The following CTNNA2 variants were observed in gnomAD, a reference collection of about 807,000 sequenced individuals.
CTNNA2 encodes catenin alpha-2.
Under a neutral mutation model 101.0 loss-of-function variants are expected in CTNNA2, and 42 were observed. The ratio of observed to expected loss-of-function variants is 0.42; its 90% CI spans 0.32 to 0.54. The LOEUF (loss-of-function observed/expected upper bound fraction) is 0.54, where lower values mean the gene tolerates loss of function less well. Among genes scored for constraint, CTNNA2 ranks in the 20% least tolerant of loss-of-function variants. CTNNA2 has a pLI of 0.14. For synonymous variants in CTNNA2, 450 were observed against 456.4 expected, an observed-to-expected ratio of 0.99 and a Z score of 0.18; for missense variants, 871 against 1,223.1, an observed-to-expected ratio of 0.71 and a Z score of 4.29.
chr2:79,912,157 A>C (rs1320776428), intron 7 of CTNNA2, among the ~76,000 whole-genome samples: 2 of 152,248 alleles, frequency 1.3e-5, no homozygotes, highest in Non-Finnish European at 2.9e-5. Flanking sequence ...TAAACTGAAA[A>C]TATTTAAAAA....
intron 11 of CTNNA2, among the ~76,000 whole-genome samples, chr2:80,547,776 G>A (rs528076006): frequency 1.5e-5 from 2 of 137,604 alleles, no homozygotes; most frequent in Admixed American, 8.0e-5. Flanking sequence ...AGCAACTTCC[G>A]CCTCCCGGAT....
At chr2:79,340,887 C>A in intron 3 of CTNNA2, among the ~76,000 whole-genome samples, 1 of 120,670 alleles carries the variant, frequency 8.3e-6, no homozygotes. Context: ...AGTACAGAAT[C>A]TAGGGATCTA....
intron 9 of CTNNA2, among the ~76,000 whole-genome samples, chr2:80,435,164 A>G (rs1681920897): frequency 6.6e-6 from 1 of 152,188 alleles, no homozygotes; most frequent in South Asian, 2.1e-4. Flanking sequence ...GGGGGACAAA[A>G]TCATCCCTGG....
At chr2:79,673,705 A>AGT (rs925172632) in intron 2 of CTNNA2, among the ~76,000 whole-genome samples, 1 of 151,894 alleles carries the variant, frequency 6.6e-6, no homozygotes, top group South Asian at 2.1e-4. Flanking sequence ...AGAGAAAGAG[A>AGT]GTGTGTGTGT....
intron 3 of CTNNA2, among the ~76,000 whole-genome samples, chr2:79,830,834 T>A (rs1193934529): frequency 6.6e-6 from 1 of 152,224 alleles, no homozygotes; most frequent in Non-Finnish European, 1.5e-5. Context: ...CTGACACTTC[T>A]CAGAGATTTA....
Position 79,971,071 on chromosome 2 carries a change from C to T in CTNNA2, c.1056+61274C>T, listed in dbSNP as rs142900746. Among the ~76,000 whole-genome samples the T allele has an allele frequency of 4.0e-3, 615 of 152,206 alleles. 3 individuals are homozygous for T. The highest frequency in any genetic ancestry group is 0.014 in the African/African-American group (586 of 41,548). ...ATTCAGGTTCTTCTGTTTTGAAAGA[C>T]GTATAATGCTGGGGAGGCGAGACAG... On this transcript the variant is annotated intron_variant, in intron 7 of 18. Transcript: ENST00000402739.
At chr2:80,536,722 C>T (rs973497443) in intron 9 of CTNNA2, among the ~76,000 whole-genome samples, 3 of 152,186 alleles carry the variant, frequency 2.0e-5, no homozygotes, top group African/African-American at 7.2e-5. Context: ...TGAAGCTCAG[C>T]CTTCCAGGCA....
chr2:79,655,560 G>A (rs12463400), intron 2 of CTNNA2, among the ~76,000 whole-genome samples: 16,830 of 152,146 alleles, frequency 0.11, 1,245 homozygotes, highest in East Asian at 0.2. Context: ...TGGGCGTGGT[G>A]GCTCATGCCT....
chr2:80,415,364 C>T (rs781280935), intron 8 of CTNNA2, among the ~76,000 whole-genome samples: 1 of 152,094 alleles, frequency 6.6e-6, no homozygotes, highest in Non-Finnish European at 1.5e-5. Context: ...ACACTCCTGG[C>T]CTCAGGGTGC....
At chr2:79,669,306 A>G (rs1002050054) in intron 2 of CTNNA2, among the ~76,000 whole-genome samples, 1 of 152,194 alleles carries the variant, frequency 6.6e-6, no homozygotes, top group Non-Finnish European at 1.5e-5. Flanking sequence ...TCCCACTGCT[A>G]CTTTCCACTC....
chr2:80,265,411 G>A (rs1177016608), intron 7 of CTNNA2, among the ~76,000 whole-genome samples: 1 of 152,124 alleles, frequency 6.6e-6, no homozygotes, highest in East Asian at 1.9e-4. Context: ...GTAAAACTAA[G>A]GAATTTCAAA....
chr2:80,478,306 C>T (rs1001560073), intron 9 of CTNNA2, among the ~76,000 whole-genome samples: 8 of 151,888 alleles, frequency 5.3e-5, no homozygotes, highest in African/African-American at 1.2e-4. Context: ...CCTTTGGTGG[C>T]GGCATAATTT....
rs76118110 is a variant in CTNNA2, at chr2:79,207,961, C to G, written c.-406+9885C>G. The stretch of plus-strand genomic sequence containing the variant: ...TACCTGAGCCTTGTGGGCTCAGAAA[C>G]AGTTGGATAATTTAAAAACACACTT... On this transcript the variant is annotated intron_variant, in intron 2 of 21. Coordinates refer to the CTNNA2 transcript ENST00000466387. Among the ~76,000 whole-genome samples the G allele has an allele frequency of 6.3e-3, 963 of 152,252 alleles. 5 individuals carry two copies. Among genetic ancestry groups the G allele is most frequent in the African/African-American group, 0.022 (918 of 41,546 alleles).
rs77356288 is a variant in CTNNA2 at position 79,489,889 on chromosome 2, C to T, written c.-134-15165C>T. Among the ~76,000 whole-genome samples the T allele has an allele frequency of 0.011, 1,695 of 152,238 alleles. 81 individuals are homozygous for T. The East Asian group carries it at 0.13, about 12-fold the overall frequency. On this transcript the variant is annotated intron_variant, in intron 4 of 21. Coordinates refer to the CTNNA2 transcript ENST00000466387. ...AGTGGACAAGGGCAAAAGGTAAGAC[C>T]TCCTGCTTCTAGGTCCTACTTCTCT...
intron 3 of CTNNA2, among the ~76,000 whole-genome samples, chr2:79,783,909 C>A (rs957217056): frequency 6.6e-6 from 1 of 152,158 alleles, no homozygotes; most frequent in Non-Finnish European, 1.5e-5. Context: ...ATTTATTGAG[C>A]CTTACTTTGT....
intron 7 of CTNNA2, among the ~76,000 whole-genome samples, chr2:80,267,717 C>T (rs1673118900): frequency 6.6e-6 from 1 of 152,194 alleles, no homozygotes; most frequent in African/African-American, 2.4e-5. Flanking sequence ...GAGGAGACAT[C>T]TGTAGAATGA....
intron 4 of CTNNA2, among the ~76,000 whole-genome samples, chr2:79,374,725 G>A (rs1317268713): frequency 6.6e-6 from 1 of 151,312 alleles, no homozygotes; most frequent in Non-Finnish European, 1.5e-5. Flanking sequence ...AAATCCGATG[G>A]AAATTTAATT....
At chr2:80,602,198 T>C (rs1697610685) in intron 15 of CTNNA2, 1 of 152,080 alleles carries the variant, frequency 6.6e-6, no homozygotes, top group Non-Finnish European at 1.5e-5. Context: ...TCAAACTTTT[T>C]TTTTCCTAAC....
intron 7 of CTNNA2, among the ~76,000 whole-genome samples, chr2:79,929,741 G>T (rs1687263369): frequency 6.6e-6 from 1 of 152,124 alleles, no homozygotes; most frequent in Non-Finnish European, 1.5e-5. Flanking sequence ...ACAAGAAGCT[G>T]GTTTGAAAAA....
Sources: allele counts gnomAD v4.1 joint callset (sites outside exome capture counted in the v4.1 genomes callset), GRCh38; gene constraint gnomAD v4.1.1; transcripts MANE v1.5; gene names NCBI Gene and HGNC (gene_info 2026-07-23, HGNC 2026-07-21).